Variants in UBE2G1 observed in about 807,000 individuals in gnomAD.
UBE2G1 encodes the protein ubiquitin-conjugating enzyme E2 G1.
A neutral mutation model predicts 22.7 loss-of-function variants in UBE2G1; 5 were observed. The ratio of observed to expected loss-of-function variants is 0.22; its 90% CI spans 0.12 to 0.46. The LOEUF (loss-of-function observed/expected upper bound fraction) is 0.46. UBE2G1 is among the 20% of genes least tolerant of loss of function. UBE2G1 has a pLI of 0.99. For missense variants in UBE2G1, 88 were observed against 203.9 expected (o/e 0.43, Z 3.46); for synonymous variants, 74 against 67.5 (o/e 1.10, Z -0.47).
rs772191776 is a variant in UBE2G1, at chr17:4,282,867, C to T, written c.481G>A (p.Val161Ile). ...GEFKRKVARC[V>I]RKSQETAFE Reference sequence around the variant, plus strand: ...AAAGCAGTCTCTTGGCTTTTTCTTACACAGCGGGCAACTTTTCTTTTAAAT... The same window carrying T: ...AAAGCAGTCTCTTGGCTTTTTCTTATACAGCGGGCAACTTTTCTTTTAAAT... The change falls in exon 5 of 6, where the codon GTA becomes ATA. Residue 161 changes from valine (V) to isoleucine (I), a missense_variant. Transcript: ENST00000396981. 1 of 1,613,284 alleles carries T rather than the reference C, an allele frequency of 6.2e-7. No homozygotes were observed. The highest frequency in any genetic ancestry group is 8.5e-7 in the Non-Finnish European group (1 of 1,179,688).
intron 1 of UBE2G1, among the ~76,000 whole-genome samples, chr17:4,365,040 T>C (rs1228979821): frequency 6.6e-6 from 1 of 152,214 alleles, no homozygotes; most frequent in Non-Finnish European, 1.5e-5. Flanking sequence ...ATACAATCTG[T>C]AAGAACCCCT....
At chr17:4,283,199 T>A (rs1043132609) in intron 4 of UBE2G1, among the ~76,000 whole-genome samples, 3 of 152,144 alleles carry the variant, frequency 2.0e-5, no homozygotes, top group Non-Finnish European at 4.4e-5. Flanking sequence ...TACACTGAAA[T>A]AGAAAGCTAA....
intron 1 of UBE2G1, among the ~76,000 whole-genome samples, chr17:4,310,181 C>T (rs1254280858): frequency 6.6e-6 from 1 of 152,198 alleles, no homozygotes; most frequent in Non-Finnish European, 1.5e-5. Flanking sequence ...CTAGCCCCCT[C>T]CATGAAGTCT....
At chr17:4,331,561 T>C (rs913680640) in intron 1 of UBE2G1, among the ~76,000 whole-genome samples, 4 of 152,218 alleles carry the variant, frequency 2.6e-5, no homozygotes, top group African/African-American at 9.6e-5. Flanking sequence ...TCGTGTCTTC[T>C]AGTTCAAGGT....
chr17:4,326,505 C>T (rs1969505374), intron 1 of UBE2G1, among the ~76,000 whole-genome samples: 1 of 152,108 alleles, frequency 6.6e-6, no homozygotes, highest in East Asian at 1.9e-4. Flanking sequence ...AGGATGCAAC[C>T]ATTGTGAAAG....
intron 3 of UBE2G1, among the ~76,000 whole-genome samples, chr17:4,290,229 GGAA>G (rs1310316497): frequency 6.6e-6 from 1 of 151,948 alleles, no homozygotes; most frequent in African/African-American, 2.4e-5. Context: ...CATACTTTGA[GGAA>G]GAAATTTTAG....
chr17:4,335,246 C>T (rs1186424366), intron 1 of UBE2G1: 1 of 151,984 alleles, frequency 6.6e-6, no homozygotes, highest in East Asian at 1.9e-4. Flanking sequence ...ACACCAAGAC[C>T]GAGTTATATC....
chr17:4,345,129 T>C (rs1433251370), intron 1 of UBE2G1, among the ~76,000 whole-genome samples: 6 of 152,118 alleles, frequency 3.9e-5, no homozygotes, highest in Admixed American at 2.0e-4. Context: ...CAGCACCAAA[T>C]GGGCAGCCAG....
intron 1 of UBE2G1, among the ~76,000 whole-genome samples, chr17:4,329,827 C>CTTT (rs66696267): frequency 6.8e-5 from 10 of 147,764 alleles, no homozygotes; most frequent in African/African-American, 2.5e-4. Flanking sequence ...TAAAGGTATG[C>CTTT]TTTTTTTTTT....
chr17:4,285,102 C>T (rs1202579227), intron 4 of UBE2G1, among the ~76,000 whole-genome samples: 1 of 152,120 alleles, frequency 6.6e-6, no homozygotes, highest in East Asian at 1.9e-4. Context: ...CCTCGGCCTC[C>T]CAAAGTGCTG....
intron 1 of UBE2G1, among the ~76,000 whole-genome samples, chr17:4,346,927 C>T (rs188137613): frequency 1.3e-5 from 2 of 151,638 alleles, no homozygotes; most frequent in African/African-American, 4.8e-5. Flanking sequence ...CCAAGGCGGG[C>T]GGATCACTTG....
chr17:4,328,799 A>G (rs1006863280), intron 1 of UBE2G1, among the ~76,000 whole-genome samples: 4 of 152,196 alleles, frequency 2.6e-5, no homozygotes, highest in African/African-American at 4.8e-5. Context: ...CAACATGACA[A>G]TGGTGGGCGG....
chr17:4,338,822 C>G (rs769111151), intron 1 of UBE2G1, among the ~76,000 whole-genome samples: 1 of 152,174 alleles, frequency 6.6e-6, no homozygotes, highest in African/African-American at 2.4e-5. Flanking sequence ...GGCTCTGCTG[C>G]AGCACCATCC....
chr17:4,353,000 C>T (rs1490299486), intron 1 of UBE2G1, among the ~76,000 whole-genome samples: 2 of 152,040 alleles, frequency 1.3e-5, no homozygotes, highest in African/African-American at 2.4e-5. Context: ...GGACGGATCA[C>T]GAGGTCAGGA....
intron 2 of UBE2G1, among the ~76,000 whole-genome samples, chr17:4,306,516 G>T (rs556139048): frequency 6.6e-6 from 1 of 152,044 alleles, no homozygotes; most frequent in South Asian, 2.1e-4. Context: ...ATAGCAATAG[G>T]TCTTAGACAT....
intron 2 of UBE2G1, among the ~76,000 whole-genome samples, chr17:4,298,857 T>C (rs1219402010): frequency 6.6e-6 from 1 of 152,196 alleles, no homozygotes; most frequent in African/African-American, 2.4e-5. Flanking sequence ...GCCTTACTTT[T>C]CACAACTGAT....
chr17:4,285,481 GA>G (rs1968951513), intron 4 of UBE2G1, among the ~76,000 whole-genome samples: 1 of 152,142 alleles, frequency 6.6e-6, no homozygotes, highest in Admixed American at 6.5e-5. Context: ...ATCATAAATA[GA>G]CTAAGGATTT....
chr17:4,321,122 C>G (rs1969432131), intron 1 of UBE2G1, among the ~76,000 whole-genome samples: 1 of 152,056 alleles, frequency 6.6e-6, no homozygotes, highest in Non-Finnish European at 1.5e-5. Context: ...GGCACTCCAG[C>G]CTGAACAATA....
intron 1 of UBE2G1, among the ~76,000 whole-genome samples, chr17:4,343,708 C>A (rs949306526): frequency 5.3e-5 from 8 of 151,950 alleles, no homozygotes; most frequent in Non-Finnish European, 1.0e-4. Context: ...CCTGCCTCAG[C>A]CTTCTGAGTA....
Sources: gnomAD v4.1 joint callset for allele counts (sites outside exome capture counted in the v4.1 genomes callset) on GRCh38, gnomAD v4.1.1 for gene constraint, MANE v1.5 for transcripts, NCBI Gene and HGNC (gene_info 2026-07-23, HGNC 2026-07-21) for gene names.